GABPA: variants seen among roughly 807,000 people sequenced by gnomAD.
GABPA encodes GA binding protein transcription factor subunit alpha, also known as GA-binding protein alpha chain.
In GABPA, 4 loss-of-function variants were observed where a neutral mutation model predicts 59.4. The observed-to-expected ratio is 0.07, with a 90% CI of 0.03 to 0.15. The LOEUF (loss-of-function observed/expected upper bound fraction) is 0.15, where lower values mean the gene tolerates loss of function less well. Among genes scored for constraint, GABPA ranks in the 10% least tolerant of loss-of-function variants. The pLI is 1.00. For synonymous variants in GABPA, 164 were observed against 183.1 expected (o/e 0.90, Z 0.84); for missense variants, 251 against 543.8 (o/e 0.46, Z 5.36).
At chr21:25,758,307 A>G in intron 6 of GABPA, 103 bp downstream of exon 6, 1 of 780,810 alleles carries the variant, frequency 1.3e-6, no homozygotes, top group East Asian at 2.8e-5. Flanking sequence ...GATAAGTAAT[A>G]AGCAATAATA....
intron 6 of GABPA, among the ~76,000 whole-genome samples, chr21:25,759,066 A>G (rs1387676152): frequency 1.3e-5 from 2 of 152,034 alleles, no homozygotes; most frequent in Admixed American, 6.5e-5. Flanking sequence ...AAGAGTCTCA[A>G]TTGGAAAAAA....
At chr21:25,750,449 T>C (rs988459788) in intron 4 of GABPA, among the ~76,000 whole-genome samples, 6 of 152,134 alleles carry the variant, frequency 3.9e-5, no homozygotes, top group African/African-American at 1.4e-4. Flanking sequence ...TGCAAAGAAA[T>C]CCAACCAGTA....
chr21:25,746,916 A>G (rs564160863), intron 3 of GABPA, among the ~76,000 whole-genome samples: 1 of 152,364 alleles, frequency 6.6e-6, no homozygotes, highest in South Asian at 2.1e-4. Context: ...GAGATTTGAT[A>G]GAATAGAATT....
chr21:25,738,902 C>G (rs1568937692), intron 1 of GABPA, among the ~76,000 whole-genome samples: 1 of 151,638 alleles, frequency 6.6e-6, no homozygotes, highest in African/African-American at 2.4e-5. Context: ...AAAAGGAAGG[C>G]TTATTAGACC....
chr21:25,741,387 G>A (rs767841097), intron 1 of GABPA, among the ~76,000 whole-genome samples, 186 bp from the exon 2 acceptor site: 10 of 151,844 alleles, frequency 6.6e-5, no homozygotes, highest in Admixed American at 2.6e-4. Context: ...GCCTGCCTTG[G>A]CCTCCCAAAG....
intron 6 of GABPA, among the ~76,000 whole-genome samples, chr21:25,760,607 C>T (rs1357693880): frequency 1.3e-5 from 2 of 152,064 alleles, no homozygotes; most frequent in African/African-American, 4.8e-5. Flanking sequence ...ATGTCCTTCT[C>T]GGTGTGAATC....
chr21:25,754,940 A>G (rs1005964403), intron 5 of GABPA, among the ~76,000 whole-genome samples: 1 of 151,936 alleles, frequency 6.6e-6, no homozygotes, highest in African/African-American at 2.4e-5. Context: ...AATCCCAGCT[A>G]CTTGGGAGGC....
Position 25,757,849 on chromosome 21 carries a change from A to ATTTTT in GABPA, c.554-142_554-138dup, listed in dbSNP as rs60518912. ...GAGCTGAGGAAAAAATTACAGCATA[A>ATTTTT]TTTTTTTTTTTTTTTTTTTTTTTGC... is the stretch of plus-strand genomic sequence containing the variant. On this transcript the variant is annotated intron_variant, in intron 5 of 9. Coordinates refer to ENST00000400075, the MANE Select transcript of GABPA (RefSeq NM_002040.4). Among the ~76,000 whole-genome samples the ATTTTT allele has an allele frequency of 1.4e-3, 153 of 108,684 alleles. 2 individuals carry two copies. Among genetic ancestry groups the ATTTTT allele is most frequent in the African/African-American group, 4.8e-3 (131 of 27,388 alleles). The allele number at this position is 108,684 out of a possible 152,430, so 71.3% of individuals were successfully genotyped here. A position where few individuals can be genotyped will look rare whatever the true frequency, so the allele number is the denominator to read the frequency against.
In GABPA at chr21:25,735,168, C is replaced by T. The variant is rs542272241; in HGVS notation, c.-437C>T. ...CCTCCTTGAAACCTTGCTCTGTACG[C>T]ATGCGCTCTTTGAGTGGCCTTTCCC... On this transcript the variant is annotated 5_prime_UTR_variant, in exon 1 of 10. Coordinates refer to ENST00000400075, the MANE Select transcript of GABPA (RefSeq NM_002040.4). 2 of 617,384 alleles carry T rather than the reference C, an allele frequency of 3.2e-6. No individual in the cohort carries two copies. The highest frequency in any genetic ancestry group is 5.5e-5 in the East Asian group (2 of 36,300). The allele number at this position is 617,384 out of a possible 1,614,324, so 38.2% of individuals were successfully genotyped here. A position where few individuals can be genotyped will look rare whatever the true frequency, so the allele number is the denominator to read the frequency against.
At chr21:25,745,058 G>C in intron 2 of GABPA, 152 bp from the exon 3 acceptor site, 1 of 723,328 alleles carries the variant, frequency 1.4e-6, no homozygotes. Flanking sequence ...GGCAACACTA[G>C]TTGGTGATGA....
At chr21:25,766,565 C>T (rs1422763457) in intron 9 of GABPA, among the ~76,000 whole-genome samples, 4 of 151,812 alleles carry the variant, frequency 2.6e-5, no homozygotes, top group South Asian at 2.1e-4. Flanking sequence ...TAGAGATTAT[C>T]CAAATGGCCA....
intron 1 of GABPA, among the ~76,000 whole-genome samples, chr21:25,738,430 C>T (rs1010113106): frequency 3.3e-5 from 5 of 152,132 alleles, no homozygotes; most frequent in Non-Finnish European, 7.4e-5. Context: ...TCTATTCCAT[C>T]GTCACTTTTG....
rs71651628 is a variant in GABPA, at chr21:25,761,219, C to G, written c.749-1093C>G. ...AAAAGTAACTGTTTTGTGCACTGTG[C>G]TTTTTAAAAACATGTTTCTTTAATC... On this transcript the variant is annotated intron_variant, in intron 6 of 9. Coordinates refer to ENST00000400075, the MANE Select transcript of GABPA (RefSeq NM_002040.4). Among the ~76,000 whole-genome samples, 72 of 152,198 alleles carry G rather than the reference C, an allele frequency of 4.7e-4. 2 individuals are homozygous for G. The South Asian group carries it at 0.012, about 25-fold the overall frequency.
chr21:25,758,174 C>A lies in GABPA; in HGVS notation c.718C>A (p.Leu240Ile). ...FFQRVPRGEI[L>I]WSHLELLRKY... The stretch of plus-strand genomic sequence containing the variant: ...TCAGCGGGTTCCTCGGGGAGAAATT[C>A]TCTGGAGTCATCTGGAACTTCTCCG... Residue 240 changes from leucine (L) to isoleucine (I), a missense_variant, in exon 6 of 10, where the codon CTC becomes ATC. Transcript: ENST00000400075. 5 of 1,603,982 alleles carry A rather than the reference C, an allele frequency of 3.1e-6. No individual in the cohort carries two copies. The highest frequency in any genetic ancestry group is 4.3e-6 in the Non-Finnish European group (5 of 1,176,090).
At position 25,735,067 on chromosome 21, in the gene GABPA, G is replaced by T; in HGVS notation, c.-538G>T. The stretch of plus-strand genomic sequence containing the variant: ...AGAAGCCAAACAGGAGGAGGAAGTG[G>T]AGGGTAAGTGCTTCCGGGTCCCCTG... On this transcript the variant is annotated 5_prime_UTR_variant, in exon 1 of 10. Coordinates refer to ENST00000400075, the MANE Select transcript of GABPA (RefSeq NM_002040.4). The T allele has an allele frequency of 1.8e-6, 2 of 1,108,530 alleles. No homozygotes were observed. Among genetic ancestry groups the T allele is most frequent in the South Asian group, 1.3e-5 (1 of 75,478 alleles). The allele number at this position is 1,108,530 out of a possible 1,614,324, so 68.7% of individuals were successfully genotyped here.
At chr21:25,752,598 G>T (rs1047962253) in intron 5 of GABPA, among the ~76,000 whole-genome samples, 1 of 152,148 alleles carries the variant, frequency 6.6e-6, no homozygotes, top group African/African-American at 2.4e-5. Flanking sequence ...GTTGCCCTGA[G>T]GGAAAGCTGA....
chr21:25,751,643 A>G (rs1359479513), intron 4 of GABPA, among the ~76,000 whole-genome samples: 3 of 152,008 alleles, frequency 2.0e-5, no homozygotes, highest in Non-Finnish European at 2.9e-5. Context: ...TACTCTGCCT[A>G]GTCTAATTTT....
Position 25,770,483 on chromosome 21 carries a change from C to G in GABPA, c.*1251C>G, listed in dbSNP as rs533110091. 5 of 151,952 alleles carry G rather than the reference C, an allele frequency of 3.3e-5. No individual in the cohort carries two copies. The highest frequency in any genetic ancestry group is 1.3e-4 in the Admixed American group (2 of 15,284). 9.4% of individuals were successfully genotyped at this position (151,952 alleles called of 1,614,324 possible). A position where few individuals can be genotyped will look rare whatever the true frequency, so the allele number is the denominator to read the frequency against. On this transcript the variant is annotated 3_prime_UTR_variant, in exon 10 of 10. Coordinates refer to ENST00000400075, the MANE Select transcript of GABPA (RefSeq NM_002040.4). ...ACTAAACAAAAATGGCTAGAAATGT[C>G]TTTTTCTTTCTTTTCTCTCTTTGTT...
At chr21:25,748,580 A>G (rs1407740975) in intron 3 of GABPA, among the ~76,000 whole-genome samples, 1 of 152,214 alleles carries the variant, frequency 6.6e-6, no homozygotes, top group Admixed American at 6.5e-5. Flanking sequence ...TTATGATGAG[A>G]GATTTAGAGT....
Sources: allele counts gnomAD v4.1 joint callset (sites outside exome capture counted in the v4.1 genomes callset), GRCh38; gene constraint gnomAD v4.1.1; transcripts MANE v1.5; gene names NCBI Gene and HGNC (gene_info 2026-07-23, HGNC 2026-07-21).